Variants in ARHGAP15 observed in about 807,000 individuals in gnomAD.
ARHGAP15 encodes the protein rho GTPase-activating protein 15.
ARHGAP15 carries 51 observed loss-of-function variants against 63.7 expected under a neutral mutation model. That is an observed-to-expected ratio of 0.80 (90% confidence interval 0.64 to 1.01). The LOEUF is 1.01. Ranked by LOEUF, ARHGAP15 falls within the 50% of genes least tolerant of loss-of-function variation. ARHGAP15 has a pLI of 0.00. For synonymous variants in ARHGAP15, 191 were observed against 193.8 expected, an observed-to-expected ratio of 0.99 and a Z score of 0.12; for missense variants, 560 against 564.6, an observed-to-expected ratio of 0.99 and a Z score of 0.08.
intron 6 of ARHGAP15, among the ~76,000 whole-genome samples, chr2:143,255,985 C>T (rs1302082708): frequency 6.6e-6 from 1 of 152,104 alleles, no homozygotes; most frequent in Non-Finnish European, 1.5e-5. Context: ...GGAGAGAACA[C>T]ATGGGTCTGG....
intron 13 of ARHGAP15, among the ~76,000 whole-genome samples, chr2:143,750,203 G>A (rs1471665619): frequency 6.6e-6 from 1 of 152,206 alleles, no homozygotes; most frequent in African/African-American, 2.4e-5. Context: ...ACTTTGGAAG[G>A]CCGAGGTAGG....
At chr2:143,754,268 T>C (rs1168126549) in intron 13 of ARHGAP15, among the ~76,000 whole-genome samples, 1 of 152,206 alleles carries the variant, frequency 6.6e-6, no homozygotes, top group African/African-American at 2.4e-5. Context: ...TCTTAGTCTA[T>C]GGATACAGCA....
chr2:143,505,412 G>T (rs1693265320), intron 9 of ARHGAP15, among the ~76,000 whole-genome samples: 1 of 152,190 alleles, frequency 6.6e-6, no homozygotes, highest in Non-Finnish European at 1.5e-5. Flanking sequence ...ACAGGATAAG[G>T]TGTTTTGGAA....
At chr2:143,638,349 T>C (rs1026568242) in intron 12 of ARHGAP15, among the ~76,000 whole-genome samples, 1 of 149,842 alleles carries the variant, frequency 6.7e-6, no homozygotes, top group African/African-American at 2.4e-5. Flanking sequence ...ATGTGGTTTG[T>C]AGGGACATGG....
chr2:143,332,863 A>T (rs1179088745), intron 6 of ARHGAP15, among the ~76,000 whole-genome samples: 2 of 152,066 alleles, frequency 1.3e-5, no homozygotes, highest in Non-Finnish European at 2.9e-5. Context: ...GTTCTGGAGT[A>T]TAACTACTAA....
chr2:143,703,623 A>G, intron 13 of ARHGAP15, 99 bp downstream of exon 13: 1 of 862,604 alleles, frequency 1.2e-6, no homozygotes, highest in Non-Finnish European at 1.8e-6. Flanking sequence ...CCAAATGCGT[A>G]CATCTCGTAT....
intron 6 of ARHGAP15, among the ~76,000 whole-genome samples, chr2:143,334,647 G>A (rs1684693982): frequency 6.6e-6 from 1 of 152,048 alleles, no homozygotes; most frequent in African/African-American, 2.4e-5. Flanking sequence ...ATTCCAAAGA[G>A]GTTGTTTATT....
chr2:143,705,855 G>A (rs940550611), intron 13 of ARHGAP15, among the ~76,000 whole-genome samples: 23 of 152,004 alleles, frequency 1.5e-4, no homozygotes, highest in African/African-American at 4.8e-4. Context: ...AAAGGATGAC[G>A]ATCGTCCATG....
intron 2 of ARHGAP15, among the ~76,000 whole-genome samples, chr2:143,191,924 A>G (rs1162363649): frequency 1.3e-5 from 2 of 152,358 alleles, no homozygotes; most frequent in South Asian, 2.1e-4. Context: ...ACAGAAAAAA[A>G]TGGCAGACTT....
intron 12 of ARHGAP15, among the ~76,000 whole-genome samples, chr2:143,680,981 C>T (rs1371963207): frequency 6.6e-6 from 1 of 152,180 alleles, no homozygotes; most frequent in Non-Finnish European, 1.5e-5. Context: ...TTCATAGTAG[C>T]CTGCCAAAAT....
Position 143,406,236 on chromosome 2 carries a change from ATGT to A in ARHGAP15, c.475-29360_475-29358del, listed in dbSNP as rs1156896358. 3.9e-5 allele frequency among the ~76,000 whole-genome samples: 6 copies of A among 152,020 alleles called. No individual in the cohort carries two copies. The South Asian group carries it at 8.3e-4, about 21-fold the overall frequency. ...CCACATGCCCATATTTTGTAAGCTA[ATGT>A]TGTTCAATTTTAAGAGTTTATAATT... On this transcript the variant is annotated intron_variant, in intron 6 of 13. Coordinates refer to ENST00000295095, the MANE Select transcript of ARHGAP15 (RefSeq NM_018460.4).
chr2:143,156,515 T>C (rs1690087118), intron 2 of ARHGAP15, among the ~76,000 whole-genome samples: 1 of 151,850 alleles, frequency 6.6e-6, no homozygotes, highest in Admixed American at 6.6e-5. Context: ...ATTAATTGAG[T>C]GTTCTGTTAA....
At chr2:143,328,576 G>A (rs1177346056) in intron 6 of ARHGAP15, among the ~76,000 whole-genome samples, 3 of 152,104 alleles carry the variant, frequency 2.0e-5, no homozygotes, top group Admixed American at 6.5e-5. Flanking sequence ...ACACACCAGA[G>A]CCTGTCAGGG....
At chr2:143,589,690 A>T (rs1697249249) in intron 11 of ARHGAP15, among the ~76,000 whole-genome samples, 1 of 152,156 alleles carries the variant, frequency 6.6e-6, no homozygotes, top group African/African-American at 2.4e-5. Flanking sequence ...AACAAACATC[A>T]ATCAAATGGC....
Position 143,341,017 on chromosome 2 carries a change from A to T in ARHGAP15, c.474+90417A>T, listed in dbSNP as rs186747538. On this transcript the variant is annotated intron_variant, in intron 6 of 13. Coordinates refer to ENST00000295095, the MANE Select transcript of ARHGAP15 (RefSeq NM_018460.4). ...TGTTTTTACCGTTTTGGGAGTATTTATTCATTCATTTGACTTAGTTTTGTC... is the reference window on the plus strand; with the variant it reads ...TGTTTTTACCGTTTTGGGAGTATTTTTTCATTCATTTGACTTAGTTTTGTC... Among the ~76,000 whole-genome samples the T allele has an allele frequency of 9.9e-4, 151 of 152,128 alleles. No individual in the cohort carries two copies. The East Asian group carries it at 0.011, about 11-fold the overall frequency.
In ARHGAP15 at chr2:143,332,324, G is replaced by A. The variant is rs41429953; in HGVS notation, c.474+81724G>A. On this transcript the variant is annotated intron_variant, in intron 6 of 13. Transcript: ENST00000295095. ...AAAACAGTCTTCCTGGGGTCGTCTC[G>A]ATGGTGAGATATAACTGCCTTTCAT... is the stretch of plus-strand genomic sequence containing the variant. 5.2e-3 allele frequency among the ~76,000 whole-genome samples: 791 copies of A among 152,144 alleles called. 8 individuals carry two copies. The highest frequency in any genetic ancestry group is 0.018 in the African/African-American group (727 of 41,520).
rs1156319569 is a variant in ARHGAP15 at position 143,663,439 on chromosome 2, C to T, written c.1138+39172C>T. Among the ~76,000 whole-genome samples the T allele has an allele frequency of 2.2e-4, 31 of 143,250 alleles. No homozygotes were observed. In the East Asian group the frequency reaches 2.5e-3, roughly 12 times the overall value. The allele number at this position is 143,250 out of a possible 152,430, so 94.0% of individuals were successfully genotyped here. A position where few individuals can be genotyped will look rare whatever the true frequency, so the allele number is the denominator to read the frequency against. ...AGCGCTAAACATGGAAAGGAACAACCGGTACCAGCCGCTGCAAAATCATGC... is the reference window on the plus strand; with the variant it reads ...AGCGCTAAACATGGAAAGGAACAACTGGTACCAGCCGCTGCAAAATCATGC... On this transcript the variant is annotated intron_variant, in intron 12 of 13. Coordinates refer to ENST00000295095, the MANE Select transcript of ARHGAP15 (RefSeq NM_018460.4).
chr2:143,631,083 C>G (rs1400055767), intron 12 of ARHGAP15, among the ~76,000 whole-genome samples: 1 of 152,066 alleles, frequency 6.6e-6, no homozygotes, highest in Non-Finnish European at 1.5e-5. Flanking sequence ...TGGAATCATA[C>G]AGTATGCACT....
At chr2:143,670,001 A>T (rs1055829603) in intron 12 of ARHGAP15, among the ~76,000 whole-genome samples, 2 of 152,162 alleles carry the variant, frequency 1.3e-5, no homozygotes, top group Non-Finnish European at 2.9e-5. Flanking sequence ...AGGCATGTAG[A>T]CTAGAGTTTC....
Sources: allele counts gnomAD v4.1 joint callset (sites outside exome capture counted in the v4.1 genomes callset), GRCh38; gene constraint gnomAD v4.1.1; transcripts MANE v1.5; gene names NCBI Gene and HGNC (gene_info 2026-07-23, HGNC 2026-07-21).